The following BFSP2 variants were observed in gnomAD, a reference collection of about 807,000 sequenced individuals.
The protein encoded by BFSP2 is beaded filament structural protein 2.
In BFSP2, 38 loss-of-function variants were observed where a neutral mutation model predicts 44.9. The observed-to-expected ratio is 0.85, with a 90% CI of 0.65 to 1.11. BFSP2 has a LOEUF of 1.11. Ranked by LOEUF, BFSP2 falls within the 50% of genes least tolerant of loss-of-function variation. The pLI, the probability that BFSP2 is intolerant of heterozygous loss-of-function variation, is 0.00. For missense variants in BFSP2, 525 were observed against 533.0 expected, an observed-to-expected ratio of 0.99 and a Z score of 0.15; for synonymous variants, 197 against 209.9, an observed-to-expected ratio of 0.94 and a Z score of 0.53.
chr3:133,414,694 T>C, intron 1 of BFSP2, among the ~76,000 whole-genome samples: 1 of 122,066 alleles, frequency 8.2e-6, no homozygotes, highest in Non-Finnish European at 1.7e-5. Flanking sequence ...CCCTGCCATC[T>C]CTGCTCTACT....
chr3:133,440,642 G>C (rs1162119221), intron 1 of BFSP2, among the ~76,000 whole-genome samples: 4 of 152,090 alleles, frequency 2.6e-5, no homozygotes, highest in East Asian at 3.9e-4. Context: ...TCAGAACTTG[G>C]GGGGACAGAG....
chr3:133,400,185 C>T lies in BFSP2; in HGVS notation c.102C>T (p.Ser34=), dbSNP rs369540056. The change falls in exon 1 of 7, where the codon TCC becomes TCT. Residue 34 remains serine (S), a synonymous_variant. Coordinates refer to ENST00000302334, the MANE Select transcript of BFSP2 (RefSeq NM_003571.4). This position sits in a 1 kb window ranked among gnomAD's most constrained non-coding sequence, Gnocchi z 4.0. Reference sequence around the variant, plus strand: ...CCTTCAGGGGGCCACGGTCATCATCCTCCCTGGAGAGCCCCCCAGCCTCCA... The same window carrying T: ...CCTTCAGGGGGCCACGGTCATCATCTTCCCTGGAGAGCCCCCCAGCCTCCA... ...RASFRGPRSS[S]SLESPPASRT... 5 of 1,614,132 alleles carry T rather than the reference C, an allele frequency of 3.1e-6. No homozygotes were observed. The highest frequency in any genetic ancestry group is 1.7e-5 in the Admixed American group (1 of 60,028).
At chr3:133,408,022 T>C (rs1444561677) in intron 1 of BFSP2, among the ~76,000 whole-genome samples, 2 of 152,088 alleles carry the variant, frequency 1.3e-5, no homozygotes, top group Admixed American at 1.3e-4. Context: ...ATTGATAAAT[T>C]TGATTAAGAA....
At chr3:133,401,281 G>T (rs987530665) in intron 1 of BFSP2, among the ~76,000 whole-genome samples, 2 of 152,182 alleles carry the variant, frequency 1.3e-5, no homozygotes, top group Admixed American at 6.5e-5. Flanking sequence ...AGCTTTCTGC[G>T]TGATGGAAAT....
chr3:133,453,867 A>G (rs1446807014), intron 4 of BFSP2, among the ~76,000 whole-genome samples: 1 of 152,224 alleles, frequency 6.6e-6, no homozygotes, highest in African/African-American at 2.4e-5. Context: ...GACATAAAAA[A>G]ATTTATTAAG....
At position 133,471,382 on chromosome 3, in the gene BFSP2, A is replaced by C. The variant is rs114524740; in HGVS notation, c.1024-963A>C. Among the ~76,000 whole-genome samples the C allele has an allele frequency of 3.0e-3, 455 of 152,292 alleles. 4 individuals are homozygous for C. Among genetic ancestry groups the C allele is most frequent in the African/African-American group, 0.01 (434 of 41,540 alleles). ...ATATACAGGAGGCCATGATGGTTGC[A>C]TTTGGAAGGAAGAGAAGGAAGGAAA... On this transcript the variant is annotated intron_variant, in intron 5 of 6. Transcript: ENST00000302334.
intron 6 of BFSP2, among the ~76,000 whole-genome samples, chr3:133,474,170 C>T (rs964783490): frequency 4.6e-5 from 7 of 152,134 alleles, no homozygotes; most frequent in African/African-American, 1.7e-4. Context: ...TCCAGAAACC[C>T]AGGCCCTTAT....
intron 1 of BFSP2, among the ~76,000 whole-genome samples, chr3:133,415,815 A>C (rs1576562397): frequency 7.5e-5 from 6 of 80,512 alleles, no homozygotes; most frequent in Admixed American, 1.3e-4. Flanking sequence ...CCTCCCCTCT[A>C]TTCACCCCTG....
At chr3:133,404,975 A>T (rs2073392684) in intron 1 of BFSP2, 1 of 152,270 alleles carries the variant, frequency 6.6e-6, no homozygotes, top group Admixed American at 6.5e-5. Flanking sequence ...TGTGCTCCTG[A>T]CTTTTCTTAC....
intron 6 of BFSP2, 62 bp downstream of exon 6, chr3:133,472,627 A>G: frequency 1.3e-6 from 2 of 1,544,908 alleles, no homozygotes; most frequent in South Asian, 1.2e-5. Context: ...AAAAATAATT[A>G]TTTTCCAAAC....
intron 1 of BFSP2, among the ~76,000 whole-genome samples, chr3:133,420,268 CTTG>C (rs2073580942): frequency 6.6e-6 from 1 of 152,140 alleles, no homozygotes; most frequent in African/African-American, 2.4e-5. Context: ...TTAAGAAAGG[CTTG>C]TTCTGCATTT....
intron 1 of BFSP2, chr3:133,410,163 C>G (rs1313124722): frequency 5.6e-6 from 1 of 177,518 alleles, no homozygotes; most frequent in Admixed American, 6.3e-5. Context: ...GGAGACAAAT[C>G]TATACCAAGG....
At chr3:133,466,699 A>AAAAAAAAAGTT in intron 4 of BFSP2, 129 bp from the exon 5 acceptor site, 1 of 674,344 alleles carries the variant, frequency 1.5e-6, no homozygotes, top group Non-Finnish European at 2.4e-6. Context: ...AAAAAAAAAG[A>AAAAAAAAAGTT]TGTTTCCACG....
chr3:133,418,491 T>C (rs2073565145), intron 1 of BFSP2, among the ~76,000 whole-genome samples: 1 of 152,010 alleles, frequency 6.6e-6, no homozygotes, highest in East Asian at 1.9e-4. Context: ...CCTGAGGAGA[T>C]TGCCTGGGAA....
chr3:133,472,749 A>G (rs144702999), intron 6 of BFSP2, among the ~76,000 whole-genome samples, 184 bp downstream of exon 6: 196 of 152,276 alleles, frequency 1.3e-3, no homozygotes, highest in Non-Finnish European at 2.0e-3. Flanking sequence ...TAATATATAT[A>G]ATATATTCAC....
chr3:133,405,583 G>T (rs2073397666), intron 1 of BFSP2, among the ~76,000 whole-genome samples: 1 of 152,134 alleles, frequency 6.6e-6, no homozygotes, highest in African/African-American at 2.4e-5. Context: ...AGGCAACAGG[G>T]TTTGTTGTTC....
chr3:133,471,633 C>T lies in BFSP2; in HGVS notation c.1024-712C>T, dbSNP rs145964950. Among the ~76,000 whole-genome samples, 3 of 152,216 alleles carry T rather than the reference C, an allele frequency of 2.0e-5. No individual in the cohort carries two copies. The East Asian group carries it at 5.8e-4, about 29-fold the overall frequency. ...AACGCAGGACGTGGCCTGGAGACGA[C>T]TCATGAGTATGTTCAAATCATGAGT... On this transcript the variant is annotated intron_variant, in intron 5 of 6. Transcript: ENST00000302334.
In BFSP2 at chr3:133,444,919, A is replaced by C. The variant is rs577372854; in HGVS notation, c.490-2398A>C. On this transcript the variant is annotated intron_variant, in intron 1 of 6. Coordinates refer to ENST00000302334, the MANE Select transcript of BFSP2 (RefSeq NM_003571.4). ...AGAGGGTCCACTTAGTGCACAGATC[A>C]CCTCTGTAACCTGCTCAAGCCCTTT... is the stretch of plus-strand genomic sequence containing the variant. Among the ~76,000 whole-genome samples, 8 of 151,944 alleles carry C rather than the reference A, an allele frequency of 5.3e-5. No individual in the cohort carries two copies. The South Asian group carries it at 1.7e-3, about 32-fold the overall frequency.
intron 4 of BFSP2, among the ~76,000 whole-genome samples, chr3:133,451,110 C>CA (rs55964213): frequency 0.74 from 69,922 of 95,012 alleles, 26,889 homozygotes; most frequent in South Asian, 0.89. Context: ...GACTCTGTCT[C>CA]AAAAAAAAAA....
Sources: allele counts gnomAD v4.1 joint callset (sites outside exome capture counted in the v4.1 genomes callset), GRCh38; gene constraint gnomAD v4.1.1; non-coding constraint Gnocchi (gnomAD v3.1); transcripts MANE v1.5; gene names NCBI Gene and HGNC (gene_info 2026-07-23, HGNC 2026-07-21).